AMPH: variants seen among roughly 807,000 people sequenced by gnomAD.
AMPH encodes amphiphysin.
AMPH carries 49 observed loss-of-function variants against 99.1 expected under a neutral mutation model. The observed-to-expected ratio is 0.49, with a 90% CI of 0.39 to 0.63. The LOEUF (loss-of-function observed/expected upper bound fraction) is 0.63, where lower values mean the gene tolerates loss of function less well. Ranked by LOEUF, AMPH falls within the 20% of genes least tolerant of loss-of-function variation. The pLI is 0.00. For synonymous variants in AMPH, 314 were observed against 317.3 expected, an observed-to-expected ratio of 0.99 and a Z score of 0.11; for missense variants, 759 against 863.4, an observed-to-expected ratio of 0.88 and a Z score of 1.52.
rs574603203 is a variant in AMPH, at chr7:38,452,598, T to C, written c.1017+8685A>G. ...ATGGAAGACTTTGAGTCACACTAGT[T>C]TTGAAGGGAGCAGTTATGAATGGTC... is the stretch of plus-strand genomic sequence containing the variant. On this transcript the variant is annotated intron_variant, in intron 11 of 20. Coordinates refer to ENST00000356264, the MANE Select transcript of AMPH (RefSeq NM_001635.4). Among the ~76,000 whole-genome samples the C allele has an allele frequency of 1.2e-4, 19 of 152,296 alleles. 1 individual carries two copies. The highest frequency in any genetic ancestry group is 4.6e-4 in the African/African-American group (19 of 41,564).
At chr7:38,526,557 T>C (rs1340449086) in intron 2 of AMPH, among the ~76,000 whole-genome samples, 2 of 150,632 alleles carry the variant, frequency 1.3e-5, no homozygotes, top group Non-Finnish European at 2.9e-5. Flanking sequence ...ATTACAGGCG[T>C]GAGCCACTGC....
At chr7:38,541,017 TAAAAAAAA>T (rs60200785) in intron 1 of AMPH, among the ~76,000 whole-genome samples, 4 of 97,692 alleles carry the variant, frequency 4.1e-5, no homozygotes, top group Non-Finnish European at 8.1e-5. Flanking sequence ...TTTCTGTTCT[TAAAAAAAA>T]AAAAAAAAAA....
chr7:38,427,178 A>G (rs1405267565), intron 14 of AMPH, among the ~76,000 whole-genome samples, 192 bp from the exon 15 acceptor site: 4 of 152,040 alleles, frequency 2.6e-5, no homozygotes, highest in African/African-American at 9.6e-5. Context: ...GCTGACAAAA[A>G]AAAAAAGAAA....
intron 1 of AMPH, among the ~76,000 whole-genome samples, chr7:38,562,343 G>A (rs1168973454): frequency 6.6e-6 from 1 of 152,180 alleles, no homozygotes; most frequent in Non-Finnish European, 1.5e-5. Context: ...CATGCTAACT[G>A]CTTTAGAGTT....
chr7:38,429,590 C>G (rs1442409756), intron 14 of AMPH: 1 of 1,446,026 alleles, frequency 6.9e-7, no homozygotes, highest in Admixed American at 2.4e-5. Flanking sequence ...TTAAAGTATG[C>G]AGAAGAGCAA....
At chr7:38,491,746 A>G (rs923757928) in intron 4 of AMPH, among the ~76,000 whole-genome samples, 10 of 152,220 alleles carry the variant, frequency 6.6e-5, no homozygotes, top group African/African-American at 2.2e-4. Flanking sequence ...ACAATACAGA[A>G]GAGGACACTG....
intron 17 of AMPH, among the ~76,000 whole-genome samples, chr7:38,403,700 T>C (rs1784905474): frequency 6.6e-6 from 1 of 152,122 alleles, no homozygotes; most frequent in African/African-American, 2.4e-5. Flanking sequence ...AAAGTGCCCC[T>C]TGGAACAAAG....
chr7:38,518,968 G>A (rs1290472465), intron 2 of AMPH, among the ~76,000 whole-genome samples: 1 of 152,174 alleles, frequency 6.6e-6, no homozygotes, highest in African/African-American at 2.4e-5. Context: ...TAGGTCATGC[G>A]GGTTTCACGC....
chr7:38,477,385 C>G (rs575166307), intron 5 of AMPH, among the ~76,000 whole-genome samples: 1 of 152,276 alleles, frequency 6.6e-6, no homozygotes, highest in African/African-American at 2.4e-5. Context: ...CTCACACCAA[C>G]AGCAATTCTA....
At chr7:38,408,988 T>C (rs527516438) in intron 17 of AMPH, among the ~76,000 whole-genome samples, 190 of 152,300 alleles carry the variant, frequency 1.2e-3, no homozygotes, top group Non-Finnish European at 2.1e-3. Flanking sequence ...TAGAGATTAA[T>C]CTGATCCCAT....
At chr7:38,558,773 C>T (rs566558193) in intron 1 of AMPH, among the ~76,000 whole-genome samples, 25 of 152,342 alleles carry the variant, frequency 1.6e-4, no homozygotes, top group African/African-American at 5.5e-4. Flanking sequence ...CCTGCTGACA[C>T]ACTGTACTCC....
At position 38,631,373 on chromosome 7, in the gene AMPH, C is replaced by A. The variant is rs372773025; in HGVS notation, c.-22G>T. ...CCATGGCTGCGGGTCCGGGGAGCTG[C>A]GAAGAGCAGAGCGCGCAGCGGGGCT... is the stretch of plus-strand genomic sequence containing the variant. On this transcript the variant is annotated 5_prime_UTR_variant, in exon 1 of 21. Transcript: ENST00000356264. 237 of 1,536,216 alleles carry A rather than the reference C, an allele frequency of 1.5e-4. No homozygotes were observed. The highest frequency in any genetic ancestry group is 2.0e-4 in the Non-Finnish European group (229 of 1,142,886).
intron 1 of AMPH, among the ~76,000 whole-genome samples, chr7:38,571,050 TA>T (rs1791957074): frequency 6.0e-5 from 4 of 66,250 alleles, no homozygotes; most frequent in African/African-American, 2.4e-4. Flanking sequence ...AGAATATATA[TA>T]TTCATATATT....
intron 7 of AMPH, among the ~76,000 whole-genome samples, chr7:38,469,178 A>G (rs1787785213): frequency 6.8e-6 from 1 of 148,132 alleles, no homozygotes; most frequent in African/African-American, 2.5e-5. Context: ...AAAAAAAAAA[A>G]AAAAAAAAAA....
intron 1 of AMPH, among the ~76,000 whole-genome samples, chr7:38,580,012 A>T (rs1463029140): frequency 6.6e-6 from 1 of 152,190 alleles, no homozygotes; most frequent in East Asian, 1.9e-4. Context: ...CCAAAATGTT[A>T]ATCTCCAAAA....
intron 1 of AMPH, among the ~76,000 whole-genome samples, chr7:38,619,046 G>A (rs1793966458): frequency 6.6e-6 from 1 of 152,134 alleles, no homozygotes; most frequent in East Asian, 1.9e-4. Context: ...ATCTCATGCT[G>A]CCAGGCATGA....
chr7:38,525,258 GTATATA>G (rs141925117), intron 2 of AMPH, among the ~76,000 whole-genome samples: 9 of 111,218 alleles, frequency 8.1e-5, no homozygotes, highest in Admixed American at 2.0e-4. Flanking sequence ...GTGTGTGTGT[GTATATA>G]TATATATATA....
chr7:38,463,595 T>C (rs1046958924), intron 9 of AMPH, among the ~76,000 whole-genome samples: 2 of 152,206 alleles, frequency 1.3e-5, no homozygotes, highest in Non-Finnish European at 2.9e-5. Context: ...ATTGTAACTT[T>C]TATATTAAAA....
chr7:38,472,279 ATGGCT>A (rs1203891296), intron 7 of AMPH, among the ~76,000 whole-genome samples: 1 of 151,314 alleles, frequency 6.6e-6, no homozygotes, highest in African/African-American at 2.5e-5. Flanking sequence ...GTTGAGTAAT[ATGGCT>A]TGTTAAAGAA....
Sources: allele counts gnomAD v4.1 joint callset (sites outside exome capture counted in the v4.1 genomes callset), GRCh38; gene constraint gnomAD v4.1.1; transcripts MANE v1.5; gene names NCBI Gene and HGNC (gene_info 2026-07-23, HGNC 2026-07-21).